The following MICALL2 variants were observed in gnomAD, a reference collection of about 807,000 sequenced individuals.
The protein encoded by MICALL2 is MICAL like 2.
MICALL2 carries 111 observed loss-of-function variants against 91.1 expected under a neutral mutation model. The observed-to-expected ratio is 1.22, with a 90% CI of 1.04 to 1.43. MICALL2 has a LOEUF of 1.43. MICALL2 is among the 40% of genes most tolerant of loss of function. The pLI is 0.00. For synonymous variants in MICALL2, 694 were observed against 525.3 expected, an observed-to-expected ratio of 1.32 and a Z score of -4.39; for missense variants, 1,556 against 1,236.0, an observed-to-expected ratio of 1.26 and a Z score of -3.88.
rs776319845 is a variant in MICALL2 at position 1,438,826 on chromosome 7, T to G, written c.2122+14A>C. On this transcript the variant is annotated intron_variant, in intron 10 of 16. Transcript: ENST00000297508. ...ACGTACACCCCAAACAGCAGCGGTG[T>G]CTCTGGGGCTGACCTGGTTTGCCCT... 7 of 1,587,094 alleles carry G rather than the reference T, an allele frequency of 4.4e-6. No individual in the cohort carries two copies. The African/African-American group carries it at 6.7e-5, about 15-fold the overall frequency.
intron 9 of MICALL2, 35 bp downstream of exon 9, chr7:1,439,890 C>T: frequency 7.2e-7 from 1 of 1,394,930 alleles, no homozygotes; most frequent in African/African-American, 1.5e-5. Context: ...GCCAGCTAGG[C>T]AACCCGGGGG....
Position 1,450,276 on chromosome 7 carries a change from A to C in MICALL2, c.156T>G (p.Ala52=). 6.2e-7 allele frequency: 1 copy of C among 1,613,034 alleles called. No individual in the cohort carries two copies. Among genetic ancestry groups the C allele is most frequent in the Non-Finnish European group, 8.5e-7 (1 of 1,179,826 alleles). The change falls in exon 2 of 17, where the codon GCT becomes GCG. Residue 52 remains alanine, a synonymous_variant. Coordinates refer to ENST00000297508, the MANE Select transcript of MICALL2 (RefSeq NM_182924.4). ...RHRPDLINFS[A]LKKENIYENN... ...TTTCATAAATATTTTCCTTCTTGAG[A>C]GCACTGAAGTTTCTGGAAGATAAAA...
At chr7:1,454,309 AGAGG>A (rs1780937109) in intron 1 of MICALL2, among the ~76,000 whole-genome samples, 1 of 152,080 alleles carries the variant, frequency 6.6e-6, no homozygotes, top group African/African-American at 2.4e-5. Flanking sequence ...CTGGAGAGAG[AGAGG>A]AAGACCCCAG....
Position 1,450,383 on chromosome 7 carries a change from C to T in MICALL2, c.144-95G>A, listed in dbSNP as rs573002591. ...GGTCATCTTGCCCAAACAGAGAAAC[C>T]GAGGCCAGGATGGGGGGCTGTGAAG... is the stretch of plus-strand genomic sequence containing the variant. On this transcript the variant is annotated intron_variant, in intron 1 of 16. Coordinates refer to ENST00000297508, the MANE Select transcript of MICALL2 (RefSeq NM_182924.4). 532 of 1,035,662 alleles carry T rather than the reference C, an allele frequency of 5.1e-4. No homozygotes were observed. The highest frequency in any genetic ancestry group is 2.1e-3 in the East Asian group (89 of 42,116). The allele number at this position is 1,035,662 out of a possible 1,614,324, so 64.2% of individuals were successfully genotyped here. A position where few individuals can be genotyped will look rare whatever the true frequency, so the allele number is the denominator to read the frequency against.
At chr7:1,436,486 C>G (rs1045725623) in intron 15 of MICALL2, among the ~76,000 whole-genome samples, 29 of 141,512 alleles carry the variant, frequency 2.0e-4, no homozygotes, top group Admixed American at 1.5e-4. Context: ...CTGGAAGGGA[C>G]AGGTTGCAGT....
Position 1,444,301 on chromosome 7 carries a change from C to T in MICALL2, c.1418+351G>A, listed in dbSNP as rs549184934. 3.9e-4 allele frequency among the ~76,000 whole-genome samples: 59 copies of T among 151,856 alleles called. 1 individual carries two copies. The East Asian group carries it at 0.011, about 29-fold the overall frequency. On this transcript the variant is annotated intron_variant, in intron 6 of 16. Coordinates refer to ENST00000297508, the MANE Select transcript of MICALL2 (RefSeq NM_182924.4). ...CCACTCAGACCCGCCAGCGTGGGTC[C>T]CGCTCGCGACCTGTCCCCGCGTCCA...
rs1408660234 is a variant in MICALL2 at position 1,459,352 on chromosome 7, G to T, written c.-26C>A. ...GTGGGCGGCGCGCCCGCCGCGCGGC[G>T]GAACCGCCCTCCGACACCTTCCCGC... is the stretch of plus-strand genomic sequence containing the variant. On this transcript the variant is annotated 5_prime_UTR_variant, in exon 1 of 17. Coordinates refer to ENST00000297508, the MANE Select transcript of MICALL2 (RefSeq NM_182924.4). 2.0e-6 allele frequency: 3 copies of T among 1,490,360 alleles called. No individual in the cohort carries two copies. In the African/African-American group the frequency reaches 4.4e-5, roughly 22 times the overall value. The allele number at this position is 1,490,360 out of a possible 1,614,324, so 92.3% of individuals were successfully genotyped here.
At chr7:1,455,648 G>A (rs921377725) in intron 1 of MICALL2, among the ~76,000 whole-genome samples, 11 of 152,058 alleles carry the variant, frequency 7.2e-5, no homozygotes, top group African/African-American at 1.4e-4. Flanking sequence ...ACCCGGGGTC[G>A]GTGGGGCAGA....
In MICALL2 at chr7:1,437,965, C is replaced by T. The variant is rs1455819121; in HGVS notation, c.2327G>A (p.Ser776Asn). ...RAAEGDDAED[S>N]LMVDWFWLIH... The stretch of plus-strand genomic sequence containing the variant: ...GAGCCAGAACCAGTCCACCATGAGG[C>T]TATCCTCAGCGTCATCTGGGGAGAG... The change falls in exon 13 of 17, where the codon AGC (serine) becomes AAC (asparagine). Residue 776 changes from serine to asparagine, a missense_variant. Coordinates refer to ENST00000297508, the MANE Select transcript of MICALL2 (RefSeq NM_182924.4). The T allele has an allele frequency of 5.8e-6, 9 of 1,550,284 alleles. No individual in the cohort carries two copies. The highest frequency in any genetic ancestry group is 7.8e-6 in the Non-Finnish European group (9 of 1,147,310).
intron 6 of MICALL2, 27 bp downstream of exon 6, chr7:1,444,625 G>C: frequency 6.3e-7 from 1 of 1,595,654 alleles, no homozygotes; most frequent in South Asian, 1.1e-5. Flanking sequence ...GGCCATACCC[G>C]GGGTCCCTCG....
At chr7:1,435,848 G>A (rs969793409) in intron 15 of MICALL2, among the ~76,000 whole-genome samples, 5 of 151,652 alleles carry the variant, frequency 3.3e-5, no homozygotes, top group South Asian at 2.1e-4. Flanking sequence ...AGGTCAGATC[G>A]AGACCATCCT....
intron 7 of MICALL2, chr7:1,440,939 A>C: frequency 2.0e-6 from 1 of 494,302 alleles, no homozygotes. Context: ...CTTCTGCCGA[A>C]TGGGTGGGGA....
At position 1,447,724 on chromosome 7, in the gene MICALL2, C is replaced by A; in HGVS notation, c.376G>T (p.Glu126Ter). The change falls in exon 4 of 17, where the codon GAG becomes TAG. Residue 126 changes from glutamate to a stop codon, truncating the protein, a stop_gained. Transcript: ENST00000297508. LOFTEE classifies it high-confidence loss of function. ...AGVKRASEDS[E>*]EEPSGKKAPV... ...GCCTTCTTCCCTGACGGCTCCTCCTCAGAGTCCTCCGAGGCCCTCTTCACG... is the reference window on the plus strand; with the variant it reads ...GCCTTCTTCCCTGACGGCTCCTCCTAAGAGTCCTCCGAGGCCCTCTTCACG... 3 of 1,573,270 alleles carry A rather than the reference C, an allele frequency of 1.9e-6. No individual in the cohort carries two copies. Among genetic ancestry groups the A allele is most frequent in the Non-Finnish European group, 2.6e-6 (3 of 1,160,268 alleles).
chr7:1,441,828 A>G (rs1204826825), intron 7 of MICALL2: 1 of 298,542 alleles, frequency 3.3e-6, no homozygotes, highest in Non-Finnish European at 6.3e-6. Flanking sequence ...GCAAAACACC[A>G]CGGGAGAACA....
chr7:1,442,505 A>G (rs375481140), intron 6 of MICALL2, 21 bp from the exon 7 acceptor site: 449 of 1,518,052 alleles, frequency 3.0e-4, no homozygotes, highest in Non-Finnish European at 3.3e-4. Flanking sequence ...AAGCGCAGGC[A>G]TCAGGCACAG....
intron 16 of MICALL2, 105 bp downstream of exon 16, chr7:1,434,985 GCCCCCCCCCCA>G (rs1779894204): frequency 7.7e-6 from 2 of 258,710 alleles, no homozygotes; most frequent in South Asian, 3.4e-5. Context: ...CCCGATACCC[GCCCCCCCCCCA>G]CCCCCAGCTG....
intron 14 of MICALL2, chr7:1,437,276 C>T (rs534294326): frequency 3.7e-6 from 2 of 541,416 alleles, no homozygotes; most frequent in Admixed American, 3.8e-5. Flanking sequence ...TTAATCCTCA[C>T]AACAGCTGCG....
chr7:1,442,569 C>T, intron 6 of MICALL2, 85 bp from the exon 7 acceptor site: 1 of 1,323,390 alleles, frequency 7.6e-7, no homozygotes, highest in African/African-American at 1.5e-5. Flanking sequence ...TGCCTCCCTG[C>T]AGCTCACTCC....
At chr7:1,455,070 C>T (rs952965740) in intron 1 of MICALL2, among the ~76,000 whole-genome samples, 18 of 152,194 alleles carry the variant, frequency 1.2e-4, no homozygotes, top group African/African-American at 3.1e-4. Context: ...AGAAGGAGGC[C>T]GCAATGTTCT....
Sources: gnomAD v4.1 joint callset for allele counts (sites outside exome capture counted in the v4.1 genomes callset) on GRCh38, gnomAD v4.1.1 for gene constraint, MANE v1.5 for transcripts, NCBI Gene and HGNC (gene_info 2026-07-23, HGNC 2026-07-21) for gene names.